The following PTPRG variants were observed in gnomAD, a reference collection of about 807,000 sequenced individuals.
PTPRG encodes the protein receptor-type tyrosine-protein phosphatase gamma.
A neutral mutation model predicts 165.3 loss-of-function variants in PTPRG; 102 were observed. The observed-to-expected ratio is 0.62, with a 90% CI of 0.53 to 0.73. The LOEUF (loss-of-function observed/expected upper bound fraction) is 0.73. PTPRG is among the 30% of genes least tolerant of loss of function. The pLI, the probability that PTPRG is intolerant of heterozygous loss-of-function variation, is 0.00. For missense variants in PTPRG, 1,866 were observed against 1,861.4 expected, an observed-to-expected ratio of 1.00 and a Z score of -0.05; for synonymous variants, 675 against 669.5, an observed-to-expected ratio of 1.01 and a Z score of -0.13.
intron 1 of PTPRG, among the ~76,000 whole-genome samples, chr3:61,600,705 C>A (rs1241494479): frequency 6.6e-6 from 1 of 151,946 alleles, no homozygotes; most frequent in Non-Finnish European, 1.5e-5. Context: ...ATGCCTGGCT[C>A]ATTTTTAATT....
chr3:62,144,145 A>G (rs1472187404), intron 6 of PTPRG, among the ~76,000 whole-genome samples: 3 of 152,190 alleles, frequency 2.0e-5, no homozygotes, highest in Admixed American at 2.0e-4. Flanking sequence ...TGACAGACGC[A>G]CTGGCCTGCA....
chr3:62,041,627 A>G (rs1700133583), intron 4 of PTPRG, among the ~76,000 whole-genome samples: 1 of 152,132 alleles, frequency 6.6e-6, no homozygotes, highest in South Asian at 2.1e-4. Context: ...GCCCCCTTCC[A>G]CATCTGATAT....
intron 1 of PTPRG, among the ~76,000 whole-genome samples, chr3:61,677,596 C>T (rs886676786): frequency 1.3e-5 from 2 of 152,080 alleles, no homozygotes; most frequent in Non-Finnish European, 2.9e-5. Context: ...AGATCTAGGC[C>T]TGTGATTAAA....
intron 4 of PTPRG, among the ~76,000 whole-genome samples, chr3:62,019,406 C>CTTGG: frequency 6.6e-6 from 1 of 151,704 alleles, no homozygotes; most frequent in Non-Finnish European, 1.5e-5. Context: ...ATCTGTGGTC[C>CTTGG]CAGCTACTTG....
intron 1 of PTPRG, among the ~76,000 whole-genome samples, chr3:61,627,334 AT>A (rs1047532796): frequency 6.6e-6 from 1 of 152,102 alleles, no homozygotes; most frequent in Admixed American, 6.6e-5. Context: ...AAAACATAAA[AT>A]TTGCCTGATA....
intron 1 of PTPRG, among the ~76,000 whole-genome samples, chr3:61,687,323 G>A (rs908516902): frequency 6.6e-5 from 10 of 152,194 alleles, no homozygotes; most frequent in Non-Finnish European, 1.5e-4. Context: ...ATTCAGATAA[G>A]CAGTGGAGAG....
chr3:61,963,292 A>G (rs1199410260), intron 2 of PTPRG, among the ~76,000 whole-genome samples: 1 of 151,994 alleles, frequency 6.6e-6, no homozygotes, highest in Non-Finnish European at 1.5e-5. Flanking sequence ...GTCATCTATG[A>G]CCCCCAAAAA....
At chr3:61,787,854 C>A (rs1168512579) in intron 2 of PTPRG, among the ~76,000 whole-genome samples, 3 of 151,806 alleles carry the variant, frequency 2.0e-5, no homozygotes, top group Non-Finnish European at 4.4e-5. Flanking sequence ...AGTGATACCC[C>A]TCGTTACCCA....
intron 1 of PTPRG, among the ~76,000 whole-genome samples, chr3:61,686,153 A>C (rs1703626540): frequency 6.6e-6 from 1 of 152,110 alleles, no homozygotes; most frequent in Non-Finnish European, 1.5e-5. Context: ...ATGGGTAAGG[A>C]AACTGAGTGT....
chr3:61,652,622 T>C (rs1376133069), intron 1 of PTPRG, among the ~76,000 whole-genome samples: 1 of 152,218 alleles, frequency 6.6e-6, no homozygotes, highest in East Asian at 1.9e-4. Flanking sequence ...GTTTCTTTTC[T>C]TATTTATATT....
rs1018106611 is a variant in PTPRG, at chr3:62,240,479, A to G, written c.2376-3328A>G. ...TCTGCTGCCCTCTAATCCATTCATC[A>G]TGTAGCAGCCAAAATGAGCTTTCTG... On this transcript the variant is annotated intron_variant, in intron 14 of 29. Transcript: ENST00000474889. This position sits in a 1 kb window ranked among gnomAD's most constrained non-coding sequence, Gnocchi z 5.1. Among the ~76,000 whole-genome samples the G allele has an allele frequency of 2.6e-5, 4 of 152,206 alleles. No individual in the cohort carries two copies. Among genetic ancestry groups the G allele is most frequent in the Non-Finnish European group, 2.9e-5 (2 of 68,034 alleles).
intron 2 of PTPRG, among the ~76,000 whole-genome samples, chr3:61,836,509 GCTA>G (rs1270883179): frequency 6.6e-6 from 1 of 152,160 alleles, no homozygotes; most frequent in African/African-American, 2.4e-5. Context: ...AAATATAGCA[GCTA>G]CTATTTACTA....
intron 2 of PTPRG, among the ~76,000 whole-genome samples, chr3:61,842,536 A>C (rs1463546148): frequency 5.9e-5 from 9 of 152,206 alleles, no homozygotes; most frequent in Non-Finnish European, 1.0e-4. Flanking sequence ...ACATTAAATC[A>C]ACCCAACTTA....
chr3:62,092,100 ACACACACACACACACACACAC>A (rs1419403678), intron 5 of PTPRG, among the ~76,000 whole-genome samples: 2 of 145,534 alleles, frequency 1.4e-5, no homozygotes, highest in Non-Finnish European at 3.0e-5. Context: ...ACACACACAC[ACACACACACACACACACACAC>A]ACACACACAA....
chr3:62,004,447 T>A (rs2041245830), intron 4 of PTPRG, among the ~76,000 whole-genome samples: 1 of 152,242 alleles, frequency 6.6e-6, no homozygotes, highest in South Asian at 2.1e-4. Flanking sequence ...CAAAAAAGTA[T>A]CAAAGGGCTG....
intron 1 of PTPRG, among the ~76,000 whole-genome samples, chr3:61,707,014 C>CT (rs2031298477): frequency 1.3e-5 from 2 of 152,006 alleles, no homozygotes; most frequent in South Asian, 4.1e-4. Flanking sequence ...TTAGCCTATT[C>CT]TTTTTTCTAC....
In PTPRG at chr3:62,034,569, C is replaced by G. The variant is rs554731694; in HGVS notation, c.519+31072C>G. On this transcript the variant is annotated intron_variant, in intron 4 of 29. Transcript: ENST00000474889. ...CAAACTCTTCTCTCTTGTAGTCTTC[C>G]TAGTTCGTCAGTTACACTTAGAGGT... is the stretch of plus-strand genomic sequence containing the variant. Among the ~76,000 whole-genome samples the G allele has an allele frequency of 3.3e-5, 5 of 152,286 alleles. No homozygotes were observed. The East Asian group carries it at 9.6e-4, about 29-fold the overall frequency.
intron 4 of PTPRG, among the ~76,000 whole-genome samples, chr3:62,033,721 C>G (rs1366867709): frequency 1.3e-5 from 2 of 152,040 alleles, no homozygotes; most frequent in East Asian, 3.9e-4. Context: ...TTAGTAACAA[C>G]TACCATGACT....
intron 2 of PTPRG, among the ~76,000 whole-genome samples, chr3:61,955,007 GTAT>G (rs1174870019): frequency 1.3e-5 from 2 of 152,182 alleles, no homozygotes; most frequent in Non-Finnish European, 2.9e-5. Flanking sequence ...TATCATCATA[GTAT>G]TATTTCAATT....
Sources: gnomAD v4.1 joint callset for allele counts (sites outside exome capture counted in the v4.1 genomes callset) on GRCh38, gnomAD v4.1.1 for gene constraint, Gnocchi (gnomAD v3.1) non-coding constraint, MANE v1.5 for transcripts, NCBI Gene and HGNC (gene_info 2026-07-23, HGNC 2026-07-21) for gene names.